STAU2: variants seen among roughly 807,000 people sequenced by gnomAD.
The protein encoded by STAU2 is double-stranded RNA-binding protein Staufen homolog 2.
STAU2 carries 20 observed loss-of-function variants against 65.9 expected under a neutral mutation model. The observed-to-expected ratio is 0.30, with a 90% confidence interval of 0.21 to 0.44. STAU2 has a LOEUF of 0.44. STAU2 is among the 20% of genes least tolerant of loss of function. STAU2 has a pLI of 1.00. For missense variants in STAU2, 558 were observed against 683.9 expected (o/e 0.82, Z 2.05); for synonymous variants, 232 against 233.9 (o/e 0.99, Z 0.07).
At chr8:73,466,631 T>C (rs1274915730) in intron 13 of STAU2, among the ~76,000 whole-genome samples, 2 of 152,232 alleles carry the variant, frequency 1.3e-5, no homozygotes, top group African/African-American at 2.4e-5. Flanking sequence ...GGAGTTGCCC[T>C]GGCCTTTCCC....
chr8:73,711,714 A>C (rs1419540839), intron 3 of STAU2, among the ~76,000 whole-genome samples: 2 of 152,138 alleles, frequency 1.3e-5, no homozygotes, highest in African/African-American at 4.8e-5. Flanking sequence ...GTTAACAAAT[A>C]ACATGGTATA....
At chr8:73,679,042 C>A (rs1372647907) in intron 5 of STAU2, among the ~76,000 whole-genome samples, 1 of 152,096 alleles carries the variant, frequency 6.6e-6, no homozygotes, top group Admixed American at 6.6e-5. Context: ...TCTTAACCTC[C>A]ATAACAAAAA....
chr8:73,529,100 T>C (rs1203616636), intron 13 of STAU2, among the ~76,000 whole-genome samples: 1 of 152,146 alleles, frequency 6.6e-6, no homozygotes, highest in Non-Finnish European at 1.5e-5. Context: ...AAAGATTTTG[T>C]TATAAAAAAT....
intron 3 of STAU2, among the ~76,000 whole-genome samples, chr8:73,720,486 T>C (rs1023432542): frequency 1.6e-4 from 23 of 140,662 alleles, no homozygotes; most frequent in Non-Finnish European, 3.2e-4. Flanking sequence ...TGTCATTTAG[T>C]TTAAAATACT....
intron 6 of STAU2, among the ~76,000 whole-genome samples, chr8:73,655,499 A>C (rs1275093137): frequency 6.6e-6 from 1 of 152,024 alleles, no homozygotes; most frequent in Non-Finnish European, 1.5e-5. Flanking sequence ...TTCTACCATA[A>C]TTCTATGCAA....
intron 13 of STAU2, among the ~76,000 whole-genome samples, chr8:73,484,518 T>C (rs1820810495): frequency 6.6e-6 from 1 of 151,918 alleles, no homozygotes; most frequent in Non-Finnish European, 1.5e-5. Flanking sequence ...AATGGCTTTC[T>C]ATGATACGAT....
At chr8:73,526,561 G>C (rs1269765633) in intron 13 of STAU2, among the ~76,000 whole-genome samples, 1 of 152,158 alleles carries the variant, frequency 6.6e-6, no homozygotes. Context: ...AAGACTATTA[G>C]AAGTCCTCAA....
At chr8:73,453,909 A>G (rs1818931792) in intron 13 of STAU2, among the ~76,000 whole-genome samples, 1 of 152,130 alleles carries the variant, frequency 6.6e-6, no homozygotes, top group South Asian at 2.1e-4. Context: ...TGAAGTGACG[A>G]CTTGCTCCAG....
At chr8:73,502,640 T>A (rs1821827418) in intron 13 of STAU2, among the ~76,000 whole-genome samples, 1 of 152,084 alleles carries the variant, frequency 6.6e-6, no homozygotes, top group African/African-American at 2.4e-5. Context: ...CTCTGGTTCA[T>A]CCTTCAAAGG....
At position 73,491,481 on chromosome 8, in the gene STAU2, A is replaced by C. The variant is rs141221791; in HGVS notation, c.1530+60531T>G. ...AACATTTCTGTGTGTACTTGTGCACAAAAAAATCATCCTAGACTTTGCTCT... is the reference window on the plus strand; with the variant it reads ...AACATTTCTGTGTGTACTTGTGCACCAAAAAATCATCCTAGACTTTGCTCT... On this transcript the variant is annotated intron_variant, in intron 13 of 14. Coordinates refer to ENST00000524300, the MANE Select transcript of STAU2 (RefSeq NM_001164380.2). 2.6e-5 allele frequency among the ~76,000 whole-genome samples: 4 copies of C among 152,086 alleles called. No homozygotes were observed. The South Asian group carries it at 6.2e-4, about 24-fold the overall frequency.
At chr8:73,714,086 A>G (rs1165765841) in intron 3 of STAU2, among the ~76,000 whole-genome samples, 1 of 151,890 alleles carries the variant, frequency 6.6e-6, no homozygotes, top group Non-Finnish European at 1.5e-5. Context: ...TTTTTTTAGT[A>G]GAGACGGGGT....
chr8:73,565,483 CA>C (rs946905060), intron 12 of STAU2, among the ~76,000 whole-genome samples: 27 of 152,114 alleles, frequency 1.8e-4, no homozygotes, highest in African/African-American at 5.8e-4. Context: ...TACAGCCCTG[CA>C]AAAACAGACT....
At chr8:73,563,440 A>G (rs1230798782) in intron 12 of STAU2, among the ~76,000 whole-genome samples, 1 of 152,146 alleles carries the variant, frequency 6.6e-6, no homozygotes, top group Non-Finnish European at 1.5e-5. Context: ...TTTCCACTCA[A>G]TCCAGGGCTG....
chr8:73,430,499 C>A (rs538492707), intron 13 of STAU2, among the ~76,000 whole-genome samples: 1 of 152,126 alleles, frequency 6.6e-6, no homozygotes, highest in Non-Finnish European at 1.5e-5. Context: ...GATTAAAGAA[C>A]GCTATGGAAA....
intron 12 of STAU2, among the ~76,000 whole-genome samples, chr8:73,559,242 CATT>C (rs1686737034): frequency 6.6e-6 from 1 of 152,152 alleles, no homozygotes; most frequent in Non-Finnish European, 1.5e-5. Context: ...GTGAGTCTAT[CATT>C]ATTACACTTT....
rs760755269 is a variant in STAU2, at chr8:73,617,279, AG to A, written c.570+12del. 6 of 1,612,640 alleles carry A rather than the reference AG, an allele frequency of 3.7e-6. No individual in the cohort carries two copies. The African/African-American group carries it at 8.0e-5, about 22-fold the overall frequency. Reference sequence around the variant, plus strand: ...GTAGAAAGAACAGACTGTCACATGCAGCAGCACCACACCTGAGGAGATCTTT... The same window carrying A: ...GTAGAAAGAACAGACTGTCACATGCACAGCACCACACCTGAGGAGATCTTT... On this transcript the variant is annotated intron_variant, in intron 7 of 14. Coordinates refer to ENST00000524300, the MANE Select transcript of STAU2 (RefSeq NM_001164380.2).
At chr8:73,493,389 A>G in intron 13 of STAU2, among the ~76,000 whole-genome samples, 1 of 151,838 alleles carries the variant, frequency 6.6e-6, no homozygotes, top group East Asian at 1.9e-4. Flanking sequence ...TGCAAAACAT[A>G]TATGACAAGG....
intron 13 of STAU2, among the ~76,000 whole-genome samples, chr8:73,533,999 C>G (rs1005881652): frequency 6.6e-6 from 1 of 151,966 alleles, no homozygotes; most frequent in Admixed American, 6.5e-5. Flanking sequence ...CCCTATGGAA[C>G]AAAAATGAGG....
chr8:73,643,445 G>A (rs1017794131), intron 6 of STAU2, among the ~76,000 whole-genome samples: 2 of 152,192 alleles, frequency 1.3e-5, no homozygotes, highest in Non-Finnish European at 2.9e-5. Flanking sequence ...CAGTGAATCT[G>A]CATATCCTCT....
Sources: allele counts gnomAD v4.1 joint callset (sites outside exome capture counted in the v4.1 genomes callset), GRCh38; gene constraint gnomAD v4.1.1; transcripts MANE v1.5; gene names NCBI Gene and HGNC (gene_info 2026-07-23, HGNC 2026-07-21).